The following TMTC2 variants were observed in gnomAD, a reference collection of about 807,000 sequenced individuals.
TMTC2 encodes protein O-mannosyl-transferase TMTC2.
A neutral mutation model predicts 82.4 loss-of-function variants in TMTC2; 43 were observed. The ratio of observed to expected loss-of-function variants is 0.52; its 90% CI spans 0.41 to 0.67. TMTC2 has a LOEUF of 0.67. Among genes scored for constraint, TMTC2 ranks in the 30% least tolerant of loss-of-function variants. TMTC2 has a pLI of 0.00. For synonymous variants in TMTC2, 408 were observed against 381.9 expected (o/e 1.07, Z -0.80); for missense variants, 919 against 1,012.4 (o/e 0.91, Z 1.25).
chr12:82,753,391 A>G (rs1483233309), intron 1 of TMTC2, among the ~76,000 whole-genome samples: 1 of 151,196 alleles, frequency 6.6e-6, no homozygotes, highest in Non-Finnish European at 1.5e-5. Context: ...CCATGTGTAA[A>G]CATTCTTTAA....
chr12:83,093,120 C>T (rs1283349558), intron 11 of TMTC2, among the ~76,000 whole-genome samples: 1 of 152,072 alleles, frequency 6.6e-6, no homozygotes, highest in Admixed American at 6.6e-5. Context: ...CATGTATGTG[C>T]ATGCACACAT....
intron 11 of TMTC2, among the ~76,000 whole-genome samples, chr12:83,099,641 A>C (rs1884147027): frequency 6.6e-6 from 1 of 152,168 alleles, no homozygotes; most frequent in African/African-American, 2.4e-5. Context: ...TCCTGAGAAG[A>C]AGCCAAATTA....
chr12:82,986,483 T>A (rs1246535887), intron 8 of TMTC2: 2 of 156,184 alleles, frequency 1.3e-5, no homozygotes, highest in East Asian at 1.8e-4. Context: ...AAATGGAGAA[T>A]CCCAAATATG....
intron 2 of TMTC2, among the ~76,000 whole-genome samples, chr12:82,864,822 A>T (rs539658053): frequency 6.6e-6 from 1 of 151,860 alleles, no homozygotes; most frequent in Admixed American, 6.6e-5. Flanking sequence ...TCATTAAATA[A>T]AAAACGTTTA....
chr12:82,734,065 C>T (rs1465262995), intron 1 of TMTC2, among the ~76,000 whole-genome samples: 1 of 152,126 alleles, frequency 6.6e-6, no homozygotes, highest in Non-Finnish European at 1.5e-5. Context: ...TATAATGTGC[C>T]TGGCCTTGGG....
chr12:83,124,590 G>GTTTTTGTTTTTTTTTT, intron 11 of TMTC2, among the ~76,000 whole-genome samples: 1 of 148,796 alleles, frequency 6.7e-6, no homozygotes, highest in Non-Finnish European at 1.5e-5. Flanking sequence ...ATGAGCAGAA[G>GTTTTTGTTTTTTTTTT]TTTGTCAGAG....
At chr12:82,917,729 G>A (rs1024255358) in intron 3 of TMTC2, among the ~76,000 whole-genome samples, 8 of 151,270 alleles carry the variant, frequency 5.3e-5, no homozygotes, top group African/African-American at 1.7e-4. Context: ...AGCCTCCCCA[G>A]TAGCTGGGAC....
chr12:82,705,206 G>A (rs1873292265), intron 1 of TMTC2, among the ~76,000 whole-genome samples: 1 of 152,146 alleles, frequency 6.6e-6, no homozygotes, highest in Non-Finnish European at 1.5e-5. Context: ...TGGGTAGAGG[G>A]TGAGGGATAA....
intron 2 of TMTC2, among the ~76,000 whole-genome samples, chr12:82,864,654 A>G (rs112303113): frequency 0.015 from 2,216 of 150,942 alleles, 50 homozygotes; most frequent in African/African-American, 0.051. Context: ...GGCACACACC[A>G]CCATGCCCAG....
intron 8 of TMTC2, among the ~76,000 whole-genome samples, chr12:82,997,725 A>C (rs1879729738): frequency 6.6e-6 from 1 of 151,872 alleles, no homozygotes; most frequent in South Asian, 2.1e-4. Context: ...AAAATGTACA[A>C]AATCCATTTC....
intron 2 of TMTC2, among the ~76,000 whole-genome samples, chr12:82,867,662 A>G (rs905786141): frequency 6.6e-6 from 1 of 152,204 alleles, no homozygotes; most frequent in African/African-American, 2.4e-5. Context: ...AAAAGATTAT[A>G]CCAAGGTTTC....
chr12:82,841,596 T>C (rs1870338906), intron 1 of TMTC2, among the ~76,000 whole-genome samples: 1 of 152,216 alleles, frequency 6.6e-6, no homozygotes, highest in Admixed American at 6.5e-5. Flanking sequence ...AATGTAGGGA[T>C]GTCTGTGTAC....
chr12:82,793,073 T>G, intron 1 of TMTC2, among the ~76,000 whole-genome samples: 1 of 152,156 alleles, frequency 6.6e-6, no homozygotes, highest in Non-Finnish European at 1.5e-5. Context: ...TACACACATA[T>G]GCACGTAACC....
chr12:83,065,780 G>A, intron 11 of TMTC2, among the ~76,000 whole-genome samples: 1 of 151,854 alleles, frequency 6.6e-6, no homozygotes, highest in East Asian at 1.9e-4. Flanking sequence ...AAACTGCTTT[G>A]TTCTTCCTGT....
At chr12:82,856,251 A>G (rs979735270) in intron 1 of TMTC2, among the ~76,000 whole-genome samples, 16 of 152,250 alleles carry the variant, frequency 1.1e-4, no homozygotes, top group Admixed American at 3.9e-4. Flanking sequence ...AAAAGCAAGA[A>G]TCAGTGAAGC....
intron 4 of TMTC2, among the ~76,000 whole-genome samples, chr12:82,963,641 A>G (rs76578995): frequency 0.065 from 9,812 of 150,048 alleles, 388 homozygotes; most frequent in Middle Eastern, 0.12. Flanking sequence ...CTCTTTATCA[A>G]TTTTACCCAT....
intron 7 of TMTC2, among the ~76,000 whole-genome samples, chr12:82,980,856 C>T (rs1465576783): frequency 6.6e-6 from 1 of 151,886 alleles, no homozygotes; most frequent in Non-Finnish European, 1.5e-5. Flanking sequence ...CATTCTGAAG[C>T]ACGATGTCTA....
intron 11 of TMTC2, among the ~76,000 whole-genome samples, chr12:83,075,832 T>C (rs956422443): frequency 6.6e-6 from 1 of 152,252 alleles, no homozygotes; most frequent in African/African-American, 2.4e-5. Context: ...TGCTGCAGTA[T>C]GCTGCAGTTA....
At chr12:82,985,809 C>T in intron 7 of TMTC2, 116 bp from the exon 8 acceptor site, 4 of 1,301,682 alleles carry the variant, frequency 3.1e-6, no homozygotes, top group Non-Finnish European at 3.1e-6. Flanking sequence ...AATGAAAGTA[C>T]TTCCCACAGC....
Sources: gnomAD v4.1 joint callset for allele counts (sites outside exome capture counted in the v4.1 genomes callset) on GRCh38, gnomAD v4.1.1 for gene constraint, MANE v1.5 for transcripts, NCBI Gene and HGNC (gene_info 2026-07-23, HGNC 2026-07-21) for gene names.